Variants in PIGN observed in about 807,000 individuals in gnomAD.
PIGN encodes the protein GPI ethanolamine phosphate transferase 1.
Under a neutral mutation model 125.4 loss-of-function variants are expected in PIGN, and 117 were observed. The ratio of observed to expected loss-of-function variants is 0.93; its 90% confidence interval spans 0.80 to 1.09. The LOEUF (loss-of-function observed/expected upper bound fraction) is 1.09. Ranked by LOEUF, PIGN falls within the 50% of genes least tolerant of loss-of-function variation. The pLI is 0.00. For missense variants in PIGN, 1,075 were observed against 1,094.9 expected (o/e 0.98, Z 0.26); for synonymous variants, 392 against 377.8 (o/e 1.04, Z -0.44).
At chr18:62,030,700 G>A (rs963459652) in intron 23 of PIGN, among the ~76,000 whole-genome samples, 2 of 152,160 alleles carry the variant, frequency 1.3e-5, no homozygotes, top group Non-Finnish European at 2.9e-5. Flanking sequence ...ACTCAAACTT[G>A]TGGCCCAGTA....
At chr18:62,093,703 T>A (rs17713721) in intron 23 of PIGN, among the ~76,000 whole-genome samples, 25,697 of 152,102 alleles carry the variant, frequency 0.17, 2,925 homozygotes, top group Middle Eastern at 0.28. Context: ...GAATTTAGGA[T>A]TACTGCTGCT....
Position 62,140,442 on chromosome 18 carries a change from A to G in PIGN, c.1001T>C (p.Val334Ala), listed in dbSNP as rs1477497052. ...TACCACTGAGTTAAGAGGAAAGGGAACTCCAATAAGGGAAGTCATCAATGG... is the reference window on the plus strand; with the variant it reads ...TACCACTGAGTTAAGAGGAAAGGGAGCTCCAATAAGGGAAGTCATCAATGG... ...IAPLMTSLIG[V>A]PFPLNSVGIL... is the part of the protein sequence containing the mutation. Residue 334 changes from valine to alanine, a missense_variant, in exon 12 of 31, where the codon GTT (valine) becomes GCT (alanine). Transcript: ENST00000640252. The G allele has an allele frequency of 6.5e-7, 1 of 1,547,068 alleles. No homozygotes were observed. The highest frequency in any genetic ancestry group is 8.8e-7 in the Non-Finnish European group (1 of 1,130,820).
rs371240862 is a variant in PIGN at position 62,152,805 on chromosome 18, G to A, written c.549+1740C>T. Reference sequence around the variant, plus strand: ...TTAAACCATTGTTAAGCTGGGGACTGTCTGCAAACACTTAAAATGCTTAAG... The same window carrying A: ...TTAAACCATTGTTAAGCTGGGGACTATCTGCAAACACTTAAAATGCTTAAG... On this transcript the variant is annotated intron_variant, in intron 7 of 30. Transcript: ENST00000640252. Among the ~76,000 whole-genome samples, 16 of 152,050 alleles carry A rather than the reference G, an allele frequency of 1.1e-4. No homozygotes were observed. The East Asian group carries it at 3.1e-3, about 29-fold the overall frequency.
chr18:62,102,735 C>T, intron 21 of PIGN, 59 bp downstream of exon 21: 1 of 753,710 alleles, frequency 1.3e-6, no homozygotes, highest in South Asian at 1.9e-5. Flanking sequence ...TAAATATAAC[C>T]ATAAGACACA....
At chr18:62,108,740 A>G (rs759240496) in intron 17 of PIGN, among the ~76,000 whole-genome samples, 17 of 151,890 alleles carry the variant, frequency 1.1e-4, no homozygotes, top group Non-Finnish European at 2.2e-4. Flanking sequence ...ACAGGTGCAT[A>G]CCACCATGCC....
At chr18:62,106,380 G>GAAA (rs5825476) in intron 19 of PIGN, among the ~76,000 whole-genome samples, 2 of 147,648 alleles carry the variant, frequency 1.4e-5, no homozygotes, top group Non-Finnish European at 1.5e-5. Context: ...TACTTATCCA[G>GAAA]AAAAAAAAAA....
chr18:62,040,020 G>A (rs1341357522), downstream of PIGN, among the ~76,000 whole-genome samples: 1 of 100,832 alleles, frequency 9.9e-6, no homozygotes, highest in Non-Finnish European at 2.0e-5. Flanking sequence ...CCAGGGTGCC[G>A]CACCCCATGT....
At chr18:62,172,550 C>T (rs62096107) in intron 1 of PIGN, among the ~76,000 whole-genome samples, 6,638 of 152,038 alleles carry the variant, frequency 0.044, 204 homozygotes, top group Middle Eastern at 0.12. Flanking sequence ...CTTATAAGTA[C>T]ATTAAGATGT....
chr18:62,072,656 G>T lies in PIGN; in HGVS notation c.2672+17C>A. The T allele has an allele frequency of 1.3e-6, 2 of 1,586,450 alleles. No homozygotes were observed. The highest frequency in any genetic ancestry group is 2.3e-5 in the South Asian group (2 of 87,742). On this transcript the variant is annotated intron_variant, in intron 30 of 30. Transcript: ENST00000640252. ...TTATCCCTGTTGTTAAGCAATGCAT[G>T]ACCATATATACTATACCTTGTCCCA...
chr18:62,063,460 T>TCCAAAATCTATGGTTTTATAGATTTTAG lies in PIGN; in HGVS notation c.2672+9185_2672+9212dup, dbSNP rs1308978848. On this transcript the variant is annotated intron_variant, in intron 30 of 30. Coordinates refer to ENST00000640252, the MANE Select transcript of PIGN (RefSeq NM_176787.5). ...AAAATCTATGGTTTTATAGATTTTA[T>TCCAAAATCTATGGTTTTATAGATTTTAG]CCAAAATCTATGGTTTTATAGATTT... Among the ~76,000 whole-genome samples, 355 of 83,880 alleles carry TCCAAAATCTATGGTTTTATAGATTTTAG rather than the reference T, an allele frequency of 4.2e-3. 20 individuals carry two copies. The highest frequency in any genetic ancestry group is 0.011 in the African/African-American group (285 of 26,538). The allele number at this position is 83,880 out of a possible 152,430, so 55.0% of individuals were successfully genotyped here.
At chr18:62,185,984 C>T (rs1024123992) in intron 1 of PIGN, among the ~76,000 whole-genome samples, 1 of 150,390 alleles carries the variant, frequency 6.6e-6, no homozygotes, top group East Asian at 1.9e-4. Context: ...GATAAAGAAT[C>T]GTTTGGGACA....
intron 7 of PIGN, among the ~76,000 whole-genome samples, chr18:62,150,247 G>A (rs1163092890): frequency 6.6e-6 from 1 of 152,202 alleles, no homozygotes; most frequent in Non-Finnish European, 1.5e-5. Flanking sequence ...GCCTCCCAAA[G>A]TGCTGGGATT....
chr18:62,087,955 A>G (rs1238866055), intron 25 of PIGN, among the ~76,000 whole-genome samples: 2 of 152,190 alleles, frequency 1.3e-5, no homozygotes, highest in African/African-American at 4.8e-5. Flanking sequence ...CATGGTGACT[A>G]TAGTCAGTAA....
chr18:62,032,651 C>T (rs1180126077), intron 23 of PIGN, among the ~76,000 whole-genome samples: 2 of 152,180 alleles, frequency 1.3e-5, no homozygotes, highest in East Asian at 1.9e-4. Context: ...GAAAACTATG[C>T]ATTTAAAATT....
At chr18:62,150,964 T>C (rs748136630) in intron 7 of PIGN, among the ~76,000 whole-genome samples, 4 of 152,186 alleles carry the variant, frequency 2.6e-5, no homozygotes, top group Non-Finnish European at 4.4e-5. Context: ...CCTCCCAAAG[T>C]GCTGGGATTA....
intron 17 of PIGN, chr18:62,107,692 T>G (rs1441441794): frequency 6.6e-6 from 1 of 151,864 alleles, no homozygotes; most frequent in Non-Finnish European, 1.5e-5. Flanking sequence ...TAAACACGGA[T>G]TCATACAATT....
intron 30 of PIGN, 94 bp downstream of exon 30, chr18:62,072,579 T>C: frequency 1.1e-6 from 1 of 951,890 alleles, no homozygotes; most frequent in Non-Finnish European, 1.6e-6. Flanking sequence ...GTGAATATAC[T>C]CTGTGATGTT....
At chr18:62,115,085 T>C (rs1048221001) in intron 14 of PIGN, among the ~76,000 whole-genome samples, 2 of 152,176 alleles carry the variant, frequency 1.3e-5, no homozygotes, top group Admixed American at 1.3e-4. Context: ...ATTCTTATTA[T>C]CAAAGAGCTC....
chr18:62,097,552 GAC>G (rs1327127812), intron 22 of PIGN, among the ~76,000 whole-genome samples: 1 of 151,512 alleles, frequency 6.6e-6, no homozygotes, highest in Non-Finnish European at 1.5e-5. Context: ...AATACCATTT[GAC>G]CCAGCCATCC....
Sources: gnomAD v4.1 joint callset for allele counts (sites outside exome capture counted in the v4.1 genomes callset) on GRCh38, gnomAD v4.1.1 for gene constraint, MANE v1.5 for transcripts, NCBI Gene and HGNC (gene_info 2026-07-23, HGNC 2026-07-21) for gene names.